EDRF1: variants seen among roughly 807,000 people sequenced by gnomAD.
EDRF1 encodes erythroid differentiation regulatory factor 1, also known as erythroid differentiation-related factor 1.
EDRF1 carries 69 observed loss-of-function variants against 148.7 expected under a neutral mutation model. The observed-to-expected ratio is 0.46, with a 90% CI of 0.38 to 0.57. EDRF1 has a LOEUF of 0.57. Among genes scored for constraint, EDRF1 ranks in the 20% least tolerant of loss-of-function variants. The probability of loss-of-function intolerance (pLI) is 0.00; values close to 1 mark genes in which losing one functional copy is unlikely to be tolerated. For synonymous variants in EDRF1, 515 were observed against 532.8 expected, an observed-to-expected ratio of 0.97 and a Z score of 0.46; for missense variants, 1,118 against 1,478.7, an observed-to-expected ratio of 0.76 and a Z score of 4.00.
At chr10:125,745,311 T>C (rs1470475546) in intron 18 of EDRF1, 1 of 219,904 alleles carries the variant, frequency 4.5e-6, no homozygotes, top group African/African-American at 2.2e-5. Flanking sequence ...CTACCTTGGC[T>C]TGCAGATAAC....
intron 23 of EDRF1, among the ~76,000 whole-genome samples, chr10:125,753,254 A>T (rs558411038): frequency 6.6e-6 from 1 of 152,334 alleles, no homozygotes; most frequent in East Asian, 1.9e-4. Context: ...TCTAATTTCC[A>T]CTAGAATGCC....
At chr10:125,727,947 A>G (rs1848333011) in intron 6 of EDRF1, among the ~76,000 whole-genome samples, 1 of 152,148 alleles carries the variant, frequency 6.6e-6, no homozygotes, top group African/African-American at 2.4e-5. Flanking sequence ...CTGTAATCCC[A>G]GCACTTTGGG....
At chr10:125,748,157 CT>C in intron 21 of EDRF1, 145 bp downstream of exon 21, 15 of 947,698 alleles carry the variant, frequency 1.6e-5, no homozygotes, top group South Asian at 2.8e-5. Context: ...GCGTCTGTGC[CT>C]TTTTTTGTGC....
At chr10:125,724,641 A>T (rs1374027850) in intron 4 of EDRF1, among the ~76,000 whole-genome samples, 3 of 152,212 alleles carry the variant, frequency 2.0e-5, no homozygotes, top group South Asian at 4.1e-4. Context: ...TAGTTATTAG[A>T]ATTAATTGAT....
chr10:125,756,805 T>G (rs1398759654), intron 24 of EDRF1: 1 of 432,862 alleles, frequency 2.3e-6, no homozygotes, highest in Non-Finnish European at 4.6e-6. Context: ...ATTTTTTATT[T>G]ACTTATATTT....
intron 18 of EDRF1, 112 bp from the exon 19 acceptor site, chr10:125,745,595 C>A: frequency 9.0e-7 from 1 of 1,110,798 alleles, no homozygotes; most frequent in Non-Finnish European, 1.3e-6. Flanking sequence ...AGGTGACTGG[C>A]TCGCCACCAC....
At chr10:125,757,731 C>T (rs1367727173) in intron 24 of EDRF1, among the ~76,000 whole-genome samples, 3 of 152,184 alleles carry the variant, frequency 2.0e-5, no homozygotes, top group Non-Finnish European at 4.4e-5. Flanking sequence ...CCTTTTCATT[C>T]AGTACTTTAA....
chr10:125,742,952 A>G lies in EDRF1; in HGVS notation c.2372-106A>G, dbSNP rs375988668. On this transcript the variant is annotated intron_variant, in intron 17 of 24. Coordinates refer to ENST00000356792, the MANE Select transcript of EDRF1 (RefSeq NM_001202438.2). ...GATTGAATCTTGGTATACTTACACT[A>G]TATTGCATTTTTTATTACTTAGAAT... The G allele has an allele frequency of 5.2e-4, 791 of 1,517,114 alleles. 7 individuals carry two copies. The South Asian group carries it at 9.0e-3, about 17-fold the overall frequency. The allele number at this position is 1,517,114 out of a possible 1,614,324, so 94.0% of individuals were successfully genotyped here.
In EDRF1 at chr10:125,723,874, A is replaced by G. The variant is rs752851632; in HGVS notation, c.448A>G (p.Ile150Val). The G allele has an allele frequency of 9.3e-6, 15 of 1,613,780 alleles. No homozygotes were observed. Among genetic ancestry groups the G allele is most frequent in the Admixed American group, 1.7e-5 (1 of 60,016 alleles). ...GCACGTGAGCATGGCAGTACACCGC[A>G]TAGGAAGGACTCTCTTACTAGATGA... ...KSHVSMAVHRIGRTLLLDELD... is the reference protein window; with the variant it reads ...KSHVSMAVHRVGRTLLLDELD... The change falls in exon 4 of 25, where the codon ATA becomes GTA. Residue 150 changes from isoleucine (I) to valine (V), a missense_variant. By Grantham distance (29) the Ile-to-Val change is conservative. This residue lies in a region of EDRF1 where 99 missense variants were observed against 186.9 expected (regional missense o/e 0.53). Coordinates refer to ENST00000356792, the MANE Select transcript of EDRF1 (RefSeq NM_001202438.2).
chr10:125,727,458 T>C (rs1484721595), intron 6 of EDRF1, among the ~76,000 whole-genome samples: 1 of 152,224 alleles, frequency 6.6e-6, no homozygotes, highest in Non-Finnish European at 1.5e-5. Context: ...GGGATGGTCC[T>C]AGAGCCAGAC....
chr10:125,753,956 C>T, intron 24 of EDRF1, 111 bp downstream of exon 24: 1 of 1,199,350 alleles, frequency 8.3e-7, no homozygotes, highest in Non-Finnish European at 1.2e-6. Context: ...TGGCTCACAC[C>T]TGCAATCCCA....
intron 4 of EDRF1, among the ~76,000 whole-genome samples, chr10:125,724,403 T>C (rs750264452): frequency 3.3e-5 from 5 of 152,124 alleles, no homozygotes; most frequent in Non-Finnish European, 5.9e-5. Context: ...AAGATTATAA[T>C]ATACTGTATT....
At chr10:125,732,226 G>A (rs942159347) in intron 9 of EDRF1, among the ~76,000 whole-genome samples, 1 of 152,158 alleles carries the variant, frequency 6.6e-6, no homozygotes, top group Non-Finnish European at 1.5e-5. Context: ...GAGAGGCTGG[G>A]GTGGGAGTGG....
At position 125,743,106 on chromosome 10, in the gene EDRF1, C is replaced by G. The variant is rs760018580; in HGVS notation, c.2420C>G (p.Ser807Cys). The G allele has an allele frequency of 2.5e-6, 4 of 1,613,906 alleles. No individual in the cohort carries two copies. The East Asian group carries it at 6.7e-5, about 27-fold the overall frequency. ...DLSTDLESQLSVSCKCYEAAN... is the reference protein window; with the variant it reads ...DLSTDLESQLCVSCKCYEAAN... ...TCTACAGACTTAGAAAGTCAACTCT[C>G]TGTTAGTTGTAAATGTTATGAGGCT... The change falls in exon 18 of 25, where the codon TCT (serine) becomes TGT (cysteine). Residue 807 changes from serine (S) to cysteine (C), a missense_variant. Coordinates refer to ENST00000356792, the MANE Select transcript of EDRF1 (RefSeq NM_001202438.2).
rs914557705 is a variant in EDRF1, at chr10:125,763,601, A to C, written c.*129A>C. 6 of 1,099,572 alleles carry C rather than the reference A, an allele frequency of 5.5e-6. No individual in the cohort carries two copies. The African/African-American group carries it at 7.8e-5, about 14-fold the overall frequency. The allele number at this position is 1,099,572 out of a possible 1,614,324, so 68.1% of individuals were successfully genotyped here. On this transcript the variant is annotated 3_prime_UTR_variant, in exon 25 of 25. Coordinates refer to ENST00000356792, the MANE Select transcript of EDRF1 (RefSeq NM_001202438.2). The surrounding 1 kb of genome is among the most constrained non-coding windows in gnomAD (Gnocchi z 4.3). ...AAAACAGGTATATCAGTGGAAACAC[A>C]GAGTTATTTTAAGTGACAGACAAAT...
intron 14 of EDRF1, 25 bp downstream of exon 14, chr10:125,738,014 T>A: frequency 6.2e-7 from 1 of 1,605,046 alleles, no homozygotes; most frequent in Non-Finnish European, 8.5e-7. Flanking sequence ...AGTCTTCACT[T>A]TTTTCGTAAA....
intron 24 of EDRF1, among the ~76,000 whole-genome samples, chr10:125,758,778 C>T (rs529448535): frequency 7.2e-5 from 11 of 152,114 alleles, no homozygotes; most frequent in Non-Finnish European, 1.5e-4. Context: ...GGTGCCTTTT[C>T]GCCTGTTTGG....
chr10:125,739,553 T>C (rs555988476), intron 15 of EDRF1, among the ~76,000 whole-genome samples: 1 of 152,314 alleles, frequency 6.6e-6, no homozygotes, highest in African/African-American at 2.4e-5. Flanking sequence ...ATCTTAATTT[T>C]AGTTTCTCAC....
chr10:125,733,741 C>T lies in EDRF1; in HGVS notation c.1383C>T (p.Tyr461=), dbSNP rs770040416. 2 of 1,609,078 alleles carry T rather than the reference C, an allele frequency of 1.2e-6. No individual in the cohort carries two copies. Among genetic ancestry groups the T allele is most frequent in the South Asian group, 1.1e-5 (1 of 90,976 alleles). The change falls in exon 11 of 25, where the codon TAC becomes TAT. Residue 461 remains tyrosine, a splice_region_variant and synonymous_variant. Coordinates refer to ENST00000356792, the MANE Select transcript of EDRF1 (RefSeq NM_001202438.2). The part of the protein sequence containing the change: ...PFTMPVAILL[Y]KVACNMMMKK... ...CAATGCCGGTAGCCATTCTCTTGTA[C>T]AAGTGAGTGCTTTAAGAATTTAAGA... is the stretch of plus-strand genomic sequence containing the variant.
Sources: gnomAD v4.1 joint callset for allele counts (sites outside exome capture counted in the v4.1 genomes callset) on GRCh38, gnomAD v4.1.1 for gene constraint, gnomAD v4.1.1 regional missense constraint, Gnocchi (gnomAD v3.1) non-coding constraint, MANE v1.5 for transcripts, NCBI Gene and HGNC (gene_info 2026-07-23, HGNC 2026-07-21) for gene names.